The following PALM2AKAP2 variants were observed in gnomAD, a reference collection of about 807,000 sequenced individuals.
PALM2AKAP2 encodes PALM2-AKAP2 fusion protein.
PALM2AKAP2 carries 37 observed loss-of-function variants against 71.5 expected under a neutral mutation model. That is an observed-to-expected ratio of 0.52 (90% CI 0.40 to 0.68). The LOEUF is 0.68. Among genes scored for constraint, PALM2AKAP2 ranks in the 30% least tolerant of loss-of-function variants. The pLI is 0.00. For missense variants in PALM2AKAP2, 1,224 were observed against 1,191.8 expected (o/e 1.03, Z -0.40); for synonymous variants, 468 against 478.8 (o/e 0.98, Z 0.29).
intron 1 of PALM2AKAP2, among the ~76,000 whole-genome samples, chr9:110,116,696 C>T (rs777167113): frequency 6.6e-6 from 1 of 152,200 alleles, no homozygotes; most frequent in African/African-American, 2.4e-5. Context: ...TTTCTGGGAA[C>T]AGGCAGCTCT....
chr9:109,664,302 T>C (rs983421191), intron 1 of PALM2AKAP2, among the ~76,000 whole-genome samples: 2 of 152,212 alleles, frequency 1.3e-5, no homozygotes, highest in African/African-American at 4.8e-5. Flanking sequence ...TTTACAGTTT[T>C]GCCTGTTTTT....
intron 1 of PALM2AKAP2, among the ~76,000 whole-genome samples, chr9:110,083,259 GT>G (rs760465638): frequency 1.5e-4 from 23 of 152,132 alleles, no homozygotes; most frequent in Admixed American, 4.6e-4. Context: ...TAGGTACCTT[GT>G]ATCAGTGGAA....
chr9:109,993,020 A>G (rs1335109662), intron 6 of PALM2AKAP2, among the ~76,000 whole-genome samples: 1 of 151,254 alleles, frequency 6.6e-6, no homozygotes, highest in Non-Finnish European at 1.5e-5. Context: ...ACTGCAACCC[A>G]GGAGCATAGA....
At chr9:110,098,588 GA>G (rs1168137112) in intron 1 of PALM2AKAP2, among the ~76,000 whole-genome samples, 1 of 152,200 alleles carries the variant, frequency 6.6e-6, no homozygotes, top group Non-Finnish European at 1.5e-5. Flanking sequence ...TAGAGCAGGT[GA>G]CTTGCTCAAG....
Position 109,849,125 on chromosome 9 carries a change from G to T in PALM2AKAP2, c.46-18366G>T, listed in dbSNP as rs1564178520. 3.3e-5 allele frequency among the ~76,000 whole-genome samples: 5 copies of T among 151,506 alleles called. No homozygotes were observed. The South Asian group carries it at 8.4e-4, about 25-fold the overall frequency. ...TAGAGAGAAAGAAAGAGGGAGGGGG[G>T]TCACTCAGAGACTTCACAAAGTATG... On this transcript the variant is annotated intron_variant, in intron 1 of 9. Coordinates refer to the PALM2AKAP2 transcript ENST00000302798.
intron 1 of PALM2AKAP2, among the ~76,000 whole-genome samples, chr9:110,133,812 CTTTG>C (rs911187751): frequency 4.6e-5 from 7 of 152,270 alleles, no homozygotes; most frequent in African/African-American, 1.2e-4. Flanking sequence ...GTGAATCTCT[CTTTG>C]TTTGTCTTCT....
chr9:109,675,235 A>T (rs1827632352), intron 1 of PALM2AKAP2, among the ~76,000 whole-genome samples: 1 of 152,132 alleles, frequency 6.6e-6, no homozygotes, highest in African/African-American at 2.4e-5. Flanking sequence ...TAGAAAACTT[A>T]TCATGTTCAA....
At chr9:110,016,319 T>C (rs192169056) in intron 7 of PALM2AKAP2, among the ~76,000 whole-genome samples, 1 of 152,318 alleles carries the variant, frequency 6.6e-6, no homozygotes, top group East Asian at 1.9e-4. Flanking sequence ...TGATTTCCAA[T>C]GGGCCTGTCG....
intron 2 of PALM2AKAP2, among the ~76,000 whole-genome samples, chr9:109,870,929 G>GA (rs948599136): frequency 1.3e-5 from 2 of 152,070 alleles, no homozygotes; most frequent in Admixed American, 6.5e-5. Context: ...TATTCTCTAA[G>GA]AAAAAAATAT....
At chr9:110,050,924 G>A (rs937957418) in intron 1 of PALM2AKAP2, among the ~76,000 whole-genome samples, 2 of 152,144 alleles carry the variant, frequency 1.3e-5, no homozygotes, top group Non-Finnish European at 2.9e-5. Context: ...CACCACACCC[G>A]GCCTGGCCCT....
At chr9:110,102,476 A>G (rs1835022723) in intron 1 of PALM2AKAP2, among the ~76,000 whole-genome samples, 1 of 152,194 alleles carries the variant, frequency 6.6e-6, no homozygotes, top group East Asian at 1.9e-4. Flanking sequence ...TGGATTTTGA[A>G]AGATTAAGCC....
intron 1 of PALM2AKAP2, among the ~76,000 whole-genome samples, chr9:109,784,250 T>C (rs1352647164): frequency 6.6e-6 from 1 of 152,236 alleles, no homozygotes; most frequent in Non-Finnish European, 1.5e-5. Flanking sequence ...TAACGTTATT[T>C]ATAGTCTAAT....
intron 1 of PALM2AKAP2, among the ~76,000 whole-genome samples, chr9:109,748,488 C>G: frequency 6.6e-6 from 1 of 152,202 alleles, no homozygotes; most frequent in African/African-American, 2.4e-5. Context: ...AGATGGCGAT[C>G]CCAGTTTACC....
intron 3 of PALM2AKAP2, among the ~76,000 whole-genome samples, chr9:109,910,411 A>G (rs1830542145): frequency 4.6e-5 from 7 of 152,244 alleles, no homozygotes; most frequent in Admixed American, 4.6e-4. Context: ...AGATTTAAGC[A>G]TGTTCGGTAG....
chr9:109,995,349 G>A (rs56402660), intron 6 of PALM2AKAP2, among the ~76,000 whole-genome samples: 2,014 of 152,288 alleles, frequency 0.013, 40 homozygotes, highest in East Asian at 0.04. Context: ...CAGGGGGTGG[G>A]TCTTTCCATC....
At chr9:110,014,808 A>G (rs1476602021) in intron 6 of PALM2AKAP2, among the ~76,000 whole-genome samples, 222 of 4,156 alleles carry the variant, frequency 0.053, 44 homozygotes, top group East Asian at 0.12. Flanking sequence ...AAAAAAATGT[A>G]TATATATATA....
upstream of PALM2AKAP2, among the ~76,000 whole-genome samples, chr9:110,046,225 T>C (rs889191511): frequency 2.6e-5 from 4 of 152,238 alleles, no homozygotes; most frequent in African/African-American, 9.6e-5. Context: ...TCTGAGCATC[T>C]GGTATGTACC....
chr9:109,918,992 G>C (rs750203267), intron 3 of PALM2AKAP2, among the ~76,000 whole-genome samples: 12 of 152,234 alleles, frequency 7.9e-5, no homozygotes, highest in Non-Finnish European at 1.5e-4. Flanking sequence ...GAAACCCATA[G>C]GGCCAGGGCA....
intron 6 of PALM2AKAP2, among the ~76,000 whole-genome samples, chr9:109,986,351 C>G (rs1279050853): frequency 6.6e-6 from 1 of 152,166 alleles, no homozygotes; most frequent in East Asian, 1.9e-4. Flanking sequence ...GCTGTCAATA[C>G]TATGAGTAAC....
Sources: allele counts gnomAD v4.1 joint callset (sites outside exome capture counted in the v4.1 genomes callset), GRCh38; gene constraint gnomAD v4.1.1; transcripts MANE v1.5; gene names NCBI Gene and HGNC (gene_info 2026-07-23, HGNC 2026-07-21).